The following MEF2A variants were observed in gnomAD, a reference collection of about 807,000 sequenced individuals.
MEF2A encodes myocyte enhancer factor 2A.
A neutral mutation model predicts 55.8 loss-of-function variants in MEF2A; 28 were observed. The ratio of observed to expected loss-of-function variants is 0.50; its 90% CI spans 0.37 to 0.69. The LOEUF is 0.69. MEF2A is among the 30% of genes least tolerant of loss of function. MEF2A has a pLI of 0.00. For synonymous variants in MEF2A, 239 were observed against 227.1 expected (o/e 1.05, Z -0.47); for missense variants, 528 against 626.2 (o/e 0.84, Z 1.67).
chr15:99,657,426 A>G (rs1326240123), intron 4 of MEF2A: 1 of 151,976 alleles, frequency 6.6e-6, no homozygotes, highest in Non-Finnish European at 1.5e-5. Flanking sequence ...ATCTGGATCA[A>G]CTCTTCTGTT....
At chr15:99,588,780 T>A (rs529129096) in intron 1 of MEF2A, among the ~76,000 whole-genome samples, 2 of 152,044 alleles carry the variant, frequency 1.3e-5, no homozygotes, top group South Asian at 4.1e-4. Flanking sequence ...TTTTTTTAAA[T>A]TTTTTCCTGA....
chr15:99,603,543 T>TGTGTGTGTGTG (rs141750262), intron 2 of MEF2A, among the ~76,000 whole-genome samples: 13 of 126,498 alleles, frequency 1.0e-4, no homozygotes, highest in South Asian at 8.5e-4. Flanking sequence ...CTGGCTGATT[T>TGTGTGTGTGTG]TGTGTGTGTG....
At chr15:99,588,375 C>T (rs549464417) in intron 1 of MEF2A, among the ~76,000 whole-genome samples, 1 of 151,870 alleles carries the variant, frequency 6.6e-6, no homozygotes, top group East Asian at 1.9e-4. Flanking sequence ...GATCTTGGCT[C>T]ACTGCAACCT....
chr15:99,645,517 AC>A, intron 3 of MEF2A, 43 bp from the exon 4 acceptor site: 1 of 1,384,854 alleles, frequency 7.2e-7, no homozygotes. Context: ...ATATTCAAGT[AC>A]TACTAATGCT....
chr15:99,632,897 A>T (rs2153411189), intron 2 of MEF2A, 81 bp from the exon 3 acceptor site: 1 of 427,416 alleles, frequency 2.3e-6, no homozygotes, highest in South Asian at 3.8e-5. Context: ...GCAGTGTAAA[A>T]GCAAATTTGA....
At chr15:99,645,118 G>A (rs991317635) in intron 3 of MEF2A, among the ~76,000 whole-genome samples, 2 of 152,144 alleles carry the variant, frequency 1.3e-5, no homozygotes, top group African/African-American at 2.4e-5. Flanking sequence ...AATTTCAGTG[G>A]GTACAATAGA....
chr15:99,586,629 C>G (rs1201409765), intron 1 of MEF2A, among the ~76,000 whole-genome samples: 1 of 151,994 alleles, frequency 6.6e-6, no homozygotes, highest in African/African-American at 2.4e-5. Flanking sequence ...TTAATGGTAT[C>G]TTTCAAAGAG....
At position 99,701,352 on chromosome 15, in the gene MEF2A, A is replaced by G. The variant is rs549579189; in HGVS notation, c.859-2010A>G. On this transcript the variant is annotated intron_variant, in intron 8 of 11. Transcript: ENST00000557942. ...TCAGACCCAAATTGAGAGACATTCT[A>G]TAAGATAACTGATCAGCACTCTTTC... Among the ~76,000 whole-genome samples the G allele has an allele frequency of 6.6e-5, 10 of 152,350 alleles. No homozygotes were observed. In the South Asian group the frequency reaches 1.0e-3, roughly 16 times the overall value.
chr15:99,664,059 G>C (rs995445053), intron 4 of MEF2A, among the ~76,000 whole-genome samples: 2 of 152,176 alleles, frequency 1.3e-5, no homozygotes, highest in African/African-American at 4.8e-5. Flanking sequence ...GTTTCAATCA[G>C]TTATCTTTGA....
intron 1 of MEF2A, among the ~76,000 whole-genome samples, chr15:99,577,491 A>G (rs1226135057): frequency 2.6e-5 from 4 of 152,220 alleles, no homozygotes; most frequent in Non-Finnish European, 5.9e-5. Context: ...TGTACGATGC[A>G]GAGTACACAT....
intron 3 of MEF2A, among the ~76,000 whole-genome samples, chr15:99,642,921 T>C (rs932330365): frequency 2.0e-5 from 3 of 152,214 alleles, no homozygotes; most frequent in African/African-American, 7.2e-5. Context: ...GTCTCTTTTT[T>C]AGTATTATGT....
chr15:99,653,677 T>G (rs1445063619), intron 4 of MEF2A, among the ~76,000 whole-genome samples: 1 of 152,194 alleles, frequency 6.6e-6, no homozygotes, highest in Non-Finnish European at 1.5e-5. Flanking sequence ...CAGTAAAACA[T>G]GAGAAGGTAA....
chr15:99,569,635 G>A (rs1961255242), intron 1 of MEF2A, among the ~76,000 whole-genome samples: 1 of 152,102 alleles, frequency 6.6e-6, no homozygotes, highest in East Asian at 1.9e-4. Context: ...GTCTTTTAGG[G>A]ATTGACTGTG....
rs112410028 is a variant in MEF2A at position 99,591,645 on chromosome 15, T to C, written c.-224-6785T>C. On this transcript the variant is annotated intron_variant, in intron 1 of 11. Coordinates refer to ENST00000557942, the MANE Select transcript of MEF2A (RefSeq NM_001319206.4). ...CTTCCTTCTGCAGTTCCAATTACATTATGTTTAGGTTGCCCTTGATCTTCT... is the reference window on the plus strand; with the variant it reads ...CTTCCTTCTGCAGTTCCAATTACATCATGTTTAGGTTGCCCTTGATCTTCT... Among the ~76,000 whole-genome samples, 697 of 152,284 alleles carry C rather than the reference T, an allele frequency of 4.6e-3. 8 individuals carry two copies. Among genetic ancestry groups the C allele is most frequent in the African/African-American group, 0.016 (669 of 41,570 alleles).
intron 4 of MEF2A, among the ~76,000 whole-genome samples, chr15:99,658,133 A>G (rs2048047985): frequency 6.6e-6 from 1 of 152,176 alleles, no homozygotes; most frequent in South Asian, 2.1e-4. Flanking sequence ...TATATTTCAG[A>G]TGACATTGTT....
At chr15:99,696,199 A>G (rs2056458474) in intron 8 of MEF2A, among the ~76,000 whole-genome samples, 1 of 152,222 alleles carries the variant, frequency 6.6e-6, no homozygotes, top group African/African-American at 2.4e-5. Context: ...AACTGATAGA[A>G]CAAGTAGGCA....
chr15:99,642,389 T>G (rs1009069773), intron 3 of MEF2A, among the ~76,000 whole-genome samples: 1 of 152,176 alleles, frequency 6.6e-6, no homozygotes, highest in African/African-American at 2.4e-5. Flanking sequence ...TTAATAAATA[T>G]TTTTCCTTTG....
At chr15:99,701,308 A>C (rs1567487731) in intron 8 of MEF2A, among the ~76,000 whole-genome samples, 1 of 152,222 alleles carries the variant, frequency 6.6e-6, no homozygotes, top group Non-Finnish European at 1.5e-5. Flanking sequence ...ATGCCCTTCT[A>C]TCTGATTATG....
intron 2 of MEF2A, among the ~76,000 whole-genome samples, chr15:99,609,237 A>G (rs1567218875): frequency 6.6e-6 from 1 of 152,028 alleles, no homozygotes; most frequent in African/African-American, 2.4e-5. Flanking sequence ...GTAAGGGATT[A>G]TTTTTCTCAA....
Sources: gnomAD v4.1 joint callset for allele counts (sites outside exome capture counted in the v4.1 genomes callset) on GRCh38, gnomAD v4.1.1 for gene constraint, MANE v1.5 for transcripts, NCBI Gene and HGNC (gene_info 2026-07-23, HGNC 2026-07-21) for gene names.